RUNX2: variants seen among roughly 807,000 people sequenced by gnomAD.
The protein encoded by RUNX2 is RUNX family transcription factor 2.
RUNX2 carries 10 observed loss-of-function variants against 51.7 expected under a neutral mutation model. That is an observed-to-expected ratio of 0.19 (90% CI 0.12 to 0.33). The LOEUF (loss-of-function observed/expected upper bound fraction) is 0.33, where lower values mean the gene tolerates loss of function less well. RUNX2 is among the 10% of genes least tolerant of loss of function. The pLI, the probability that RUNX2 is intolerant of heterozygous loss-of-function variation, is 1.00. For missense variants in RUNX2, 562 were observed against 691.3 expected, an observed-to-expected ratio of 0.81 and a Z score of 2.10; for synonymous variants, 276 against 273.6, an observed-to-expected ratio of 1.01 and a Z score of -0.09.
intron 2 of RUNX2, among the ~76,000 whole-genome samples, chr6:45,392,006 C>G (rs1168245148): frequency 6.6e-6 from 1 of 152,166 alleles, no homozygotes; most frequent in African/African-American, 2.4e-5. Flanking sequence ...CAGTCCTCAT[C>G]TGCAGGCTCT....
chr6:45,383,351 C>T (rs1316607798), intron 2 of RUNX2, among the ~76,000 whole-genome samples: 1 of 152,054 alleles, frequency 6.6e-6, no homozygotes, highest in Non-Finnish European at 1.5e-5. Flanking sequence ...GCAGGAGAAT[C>T]GCTTGGACCC....
At chr6:45,369,012 A>G (rs1795610374) in intron 2 of RUNX2, among the ~76,000 whole-genome samples, 1 of 152,256 alleles carries the variant, frequency 6.6e-6, no homozygotes, top group South Asian at 2.1e-4. Flanking sequence ...GAAAAAAATT[A>G]AAAATTAAAT....
At chr6:45,477,460 TC>T (rs890426765) in intron 5 of RUNX2, among the ~76,000 whole-genome samples, 48 of 152,166 alleles carry the variant, frequency 3.2e-4, no homozygotes, top group African/African-American at 1.1e-3. Context: ...CGTTAGGGAT[TC>T]CCCACCTCTA....
intron 7 of RUNX2, among the ~76,000 whole-genome samples, chr6:45,544,745 C>T (rs1020338162): frequency 5.3e-5 from 8 of 152,222 alleles, no homozygotes; most frequent in Non-Finnish European, 1.0e-4. Context: ...CCCTGCAATG[C>T]AGAGGCTGCC....
At chr6:45,371,403 T>C (rs1015061448) in intron 2 of RUNX2, among the ~76,000 whole-genome samples, 14 of 151,820 alleles carry the variant, frequency 9.2e-5, no homozygotes, top group Non-Finnish European at 1.9e-4. Flanking sequence ...ACTTTTTTTT[T>C]TTTTTTTCAC....
At chr6:45,465,242 A>C (rs1229488882) in intron 5 of RUNX2, among the ~76,000 whole-genome samples, 1 of 152,200 alleles carries the variant, frequency 6.6e-6, no homozygotes, top group Non-Finnish European at 1.5e-5. Context: ...AGTTCCTGTT[A>C]TAATCCCAGA....
intron 2 of RUNX2, among the ~76,000 whole-genome samples, chr6:45,402,405 T>A (rs964422455): frequency 2.6e-5 from 4 of 152,224 alleles, no homozygotes; most frequent in African/African-American, 9.6e-5. Context: ...GAATACAAAT[T>A]ATTTTAAAGA....
chr6:45,333,358 C>A (rs1787902677), intron 2 of RUNX2, among the ~76,000 whole-genome samples: 1 of 151,526 alleles, frequency 6.6e-6, no homozygotes, highest in Non-Finnish European at 1.5e-5. Flanking sequence ...ACCATACATT[C>A]CCATACAACT....
intron 2 of RUNX2, among the ~76,000 whole-genome samples, chr6:45,419,014 C>G (rs1437033168): frequency 6.6e-6 from 1 of 152,176 alleles, no homozygotes; most frequent in Non-Finnish European, 1.5e-5. Flanking sequence ...TCCCCAACCA[C>G]TGAGGACTGC....
Position 45,414,896 on chromosome 6 carries a change from C to T in RUNX2, c.59-7697C>T, listed in dbSNP as rs369569310. ...TGGGATTTCATGGAAGATGTCAGGA[C>T]GACTGTGGGAAGAAACACTGACCAA... is the stretch of plus-strand genomic sequence containing the variant. On this transcript the variant is annotated intron_variant, in intron 2 of 8. Coordinates refer to ENST00000647337, the MANE Select transcript of RUNX2 (RefSeq NM_001024630.4). Among the ~76,000 whole-genome samples, 554 of 151,290 alleles carry T rather than the reference C, an allele frequency of 3.7e-3. 5 individuals are homozygous for T. Among genetic ancestry groups the T allele is most frequent in the African/African-American group, 0.012 (515 of 41,206 alleles).
At chr6:45,412,299 TG>T (rs1310460391) in intron 2 of RUNX2, among the ~76,000 whole-genome samples, 2 of 151,660 alleles carry the variant, frequency 1.3e-5, no homozygotes, top group Non-Finnish European at 2.9e-5. Flanking sequence ...GAGGCTACAG[TG>T]AGCTATGATC....
At chr6:45,399,194 A>G (rs1250225680) in intron 2 of RUNX2, among the ~76,000 whole-genome samples, 1 of 151,832 alleles carries the variant, frequency 6.6e-6, no homozygotes. Flanking sequence ...ATTTCTACTA[A>G]TGAATAGTGT....
intron 2 of RUNX2, among the ~76,000 whole-genome samples, chr6:45,403,248 T>TTTG (rs1554380562): frequency 0.057 from 8,286 of 144,416 alleles, 158 homozygotes; most frequent in South Asian, 0.14. Context: ...TTTTTTTTTT[T>TTTG]TTGAGACGGA....
intron 2 of RUNX2, among the ~76,000 whole-genome samples, chr6:45,355,610 C>T (rs573133531): frequency 3.9e-5 from 6 of 151,978 alleles, no homozygotes; most frequent in African/African-American, 1.4e-4. Flanking sequence ...TATCAATTTG[C>T]CTTTTGAAAT....
At chr6:45,341,507 G>C (rs535913361) in intron 2 of RUNX2, among the ~76,000 whole-genome samples, 10 of 152,264 alleles carry the variant, frequency 6.6e-5, no homozygotes, top group Non-Finnish European at 1.3e-4. Context: ...CAAGTATAAA[G>C]TCATAACTAC....
chr6:45,403,212 C>T (rs1797754716), intron 2 of RUNX2, among the ~76,000 whole-genome samples: 1 of 146,902 alleles, frequency 6.8e-6, no homozygotes, highest in Non-Finnish European at 1.5e-5. Context: ...TTCTTCCATA[C>T]TTAATTGTTT....
chr6:45,469,533 A>G (rs1406718685), intron 5 of RUNX2, among the ~76,000 whole-genome samples: 1 of 152,208 alleles, frequency 6.6e-6, no homozygotes, highest in Admixed American at 6.5e-5. Context: ...ATTATTAAAG[A>G]TAAGATCATT....
intron 2 of RUNX2, among the ~76,000 whole-genome samples, chr6:45,368,125 T>A (rs1193722853): frequency 1.3e-5 from 2 of 152,186 alleles, no homozygotes; most frequent in Non-Finnish European, 2.9e-5. Flanking sequence ...ACTGTAATCT[T>A]TTCAATGGGT....
chr6:45,461,025 T>A (rs1799462258), intron 5 of RUNX2, among the ~76,000 whole-genome samples: 1 of 152,024 alleles, frequency 6.6e-6, no homozygotes, highest in African/African-American at 2.4e-5. Flanking sequence ...ATGGTTATGA[T>A]GGATTAGGTG....
Sources: allele counts gnomAD v4.1 joint callset (sites outside exome capture counted in the v4.1 genomes callset), GRCh38; gene constraint gnomAD v4.1.1; transcripts MANE v1.5; gene names NCBI Gene and HGNC (gene_info 2026-07-23, HGNC 2026-07-21).